The following SHC4 variants were observed in gnomAD, a reference collection of about 807,000 sequenced individuals.
The protein encoded by SHC4 is SHC-transforming protein 4.
SHC4 carries 41 observed loss-of-function variants against 69.4 expected under a neutral mutation model. That is an observed-to-expected ratio of 0.59 (90% CI 0.46 to 0.77). The LOEUF (loss-of-function observed/expected upper bound fraction) is 0.77. Among genes scored for constraint, SHC4 ranks in the 30% least tolerant of loss-of-function variants. SHC4 has a pLI of 0.00. For missense variants in SHC4, 777 were observed against 783.8 expected, an observed-to-expected ratio of 0.99 and a Z score of 0.10; for synonymous variants, 318 against 299.3, an observed-to-expected ratio of 1.06 and a Z score of -0.64.
chr15:48,906,042 C>A (rs898013413), intron 2 of SHC4, among the ~76,000 whole-genome samples: 2 of 152,112 alleles, frequency 1.3e-5, no homozygotes, highest in South Asian at 4.1e-4. Context: ...AATATAGAAA[C>A]TGCCAACAGC....
At chr15:48,911,660 C>A (rs967870185) in intron 2 of SHC4, among the ~76,000 whole-genome samples, 1 of 151,868 alleles carries the variant, frequency 6.6e-6, no homozygotes, top group Non-Finnish European at 1.5e-5. Context: ...GTTGTTTTTG[C>A]TTTTTAACTT....
chr15:48,848,861 T>A (rs1254391055), intron 9 of SHC4, among the ~76,000 whole-genome samples: 2 of 152,138 alleles, frequency 1.3e-5, no homozygotes, highest in East Asian at 3.8e-4. Flanking sequence ...TTGAGAACTC[T>A]TGGGGGAAAA....
At chr15:48,844,543 T>A (rs994303534) in intron 9 of SHC4, among the ~76,000 whole-genome samples, 17 of 152,160 alleles carry the variant, frequency 1.1e-4, no homozygotes, top group Non-Finnish European at 2.1e-4. Flanking sequence ...AACTTAAACA[T>A]CTCTTTCTTT....
In SHC4 at chr15:48,897,756, G is replaced by C. The variant is rs930346297; in HGVS notation, c.657-6945C>G. 1.9e-4 allele frequency among the ~76,000 whole-genome samples: 27 copies of C among 139,068 alleles called. 1 individual carries two copies. The East Asian group carries it at 4.1e-3, about 21-fold the overall frequency. The allele number at this position is 139,068 out of a possible 152,430, so 91.2% of individuals were successfully genotyped here. A position where few individuals can be genotyped will look rare whatever the true frequency, so the allele number is the denominator to read the frequency against. ...ATGATCCCCACATCCCCCACCTTCT[G>C]ACACACACACACACACACACACACA... On this transcript the variant is annotated intron_variant, in intron 2 of 11. Transcript: ENST00000332408.
intron 3 of SHC4, among the ~76,000 whole-genome samples, chr15:48,887,069 C>T (rs1428581212): frequency 3.3e-5 from 5 of 152,166 alleles, no homozygotes; most frequent in Non-Finnish European, 7.3e-5. Flanking sequence ...CTCAGGAACC[C>T]CCAGTTCTTT....
intron 11 of SHC4, among the ~76,000 whole-genome samples, chr15:48,834,044 G>T (rs761744037): frequency 3.4e-4 from 52 of 152,258 alleles, no homozygotes; most frequent in Admixed American, 7.2e-4. Flanking sequence ...GGCTTTGATT[G>T]CATCATTTGT....
chr15:48,856,152 G>A, intron 7 of SHC4, 28 bp from the exon 8 acceptor site: 2 of 1,595,860 alleles, frequency 1.3e-6, no homozygotes, highest in Non-Finnish European at 1.7e-6. Flanking sequence ...ATCCTCAAGA[G>A]GCTGGGCGAA....
chr15:48,927,698 A>C (rs1437758000), intron 1 of SHC4, among the ~76,000 whole-genome samples: 1 of 151,876 alleles, frequency 6.6e-6, no homozygotes, highest in Non-Finnish European at 1.5e-5. Flanking sequence ...TCTACTCCTC[A>C]AATACACCCC....
At chr15:48,853,861 A>G (rs1899262114) in intron 8 of SHC4, among the ~76,000 whole-genome samples, 1 of 152,208 alleles carries the variant, frequency 6.6e-6, no homozygotes, top group African/African-American at 2.4e-5. Context: ...TTAAGACCTC[A>G]AATTGTAAGA....
intron 10 of SHC4, among the ~76,000 whole-genome samples, chr15:48,838,172 G>T (rs746430245): frequency 1.3e-5 from 2 of 152,140 alleles, no homozygotes; most frequent in Non-Finnish European, 2.9e-5. Flanking sequence ...TAAAAGAGAA[G>T]AGTAAAATAA....
chr15:48,850,507 T>C (rs1415122068), intron 9 of SHC4, among the ~76,000 whole-genome samples: 1 of 152,226 alleles, frequency 6.6e-6, no homozygotes. Context: ...GCATTATTTA[T>C]ACAGTTCAGT....
chr15:48,901,250 C>A (rs1187494797), intron 2 of SHC4, among the ~76,000 whole-genome samples: 1 of 152,164 alleles, frequency 6.6e-6, no homozygotes, highest in Non-Finnish European at 1.5e-5. Context: ...TAAAGCAAAC[C>A]GGAAACAAAT....
At chr15:48,872,290 T>C in intron 4 of SHC4, 148 bp from the exon 5 acceptor site, 2 of 507,244 alleles carry the variant, frequency 3.9e-6, no homozygotes, top group Non-Finnish European at 3.5e-6. Flanking sequence ...TCTATAATAA[T>C]CTCATTTAAA....
At chr15:48,881,954 C>G (rs1026148934) in intron 4 of SHC4, among the ~76,000 whole-genome samples, 1 of 151,956 alleles carries the variant, frequency 6.6e-6, no homozygotes, top group African/African-American at 2.4e-5. Context: ...GTGAACTATC[C>G]GTTCCATAAA....
chr15:48,843,786 GCTT>G (rs1899039306), intron 9 of SHC4, among the ~76,000 whole-genome samples, 198 bp from the exon 10 acceptor site: 1 of 152,128 alleles, frequency 6.6e-6, no homozygotes, highest in South Asian at 2.1e-4. Context: ...CTTTCACTGG[GCTT>G]CTTTCCCTTC....
chr15:48,891,582 G>C (rs940905748), intron 2 of SHC4, among the ~76,000 whole-genome samples: 32 of 152,298 alleles, frequency 2.1e-4, no homozygotes, highest in Non-Finnish European at 4.3e-4. Context: ...TTCACTCTGT[G>C]TAATTTGAAC....
intron 2 of SHC4, among the ~76,000 whole-genome samples, chr15:48,912,647 G>A (rs1251815276): frequency 7.2e-5 from 11 of 152,176 alleles, no homozygotes; most frequent in Non-Finnish European, 8.8e-5. Flanking sequence ...TGTGATTTTT[G>A]GGTGGTGTTG....
At chr15:48,878,546 G>GT in intron 4 of SHC4, 1 of 1,614,088 alleles carries the variant, frequency 6.2e-7, no homozygotes, top group Non-Finnish European at 8.5e-7. Flanking sequence ...CGGCTACAGA[G>GT]TATCAGCCGC....
chr15:48,878,994 G>C (rs138587231), intron 4 of SHC4: 12 of 386,144 alleles, frequency 3.1e-5, no homozygotes, highest in African/African-American at 2.5e-4. Flanking sequence ...CTATGGCTTT[G>C]ACTTTGTTAT....
Sources: allele counts gnomAD v4.1 joint callset (sites outside exome capture counted in the v4.1 genomes callset), GRCh38; gene constraint gnomAD v4.1.1; transcripts MANE v1.5; gene names NCBI Gene and HGNC (gene_info 2026-07-23, HGNC 2026-07-21).